NLRC4: variants seen among roughly 807,000 people sequenced by gnomAD.
NLRC4 encodes NLR family CARD domain containing 4, also known as NLR family CARD domain-containing protein 4.
NLRC4 carries 63 observed loss-of-function variants against 79.9 expected under a neutral mutation model. That is an observed-to-expected ratio of 0.79 (90% CI 0.64 to 0.97). The LOEUF is 0.97. Ranked by LOEUF, NLRC4 falls within the 50% of genes least tolerant of loss-of-function variation. NLRC4 has a pLI of 0.00. For missense variants in NLRC4, 1,074 were observed against 1,215.2 expected, an observed-to-expected ratio of 0.88 and a Z score of 1.73; for synonymous variants, 461 against 456.5, an observed-to-expected ratio of 1.01 and a Z score of -0.12.
chr2:32,264,074 C>T (rs1193114884), intron 1 of NLRC4, among the ~76,000 whole-genome samples: 1 of 152,116 alleles, frequency 6.6e-6, no homozygotes, highest in African/African-American at 2.4e-5. Flanking sequence ...ATTGGATGGA[C>T]TAAGTAGTCC....
rs1226847353 is a variant in NLRC4, at chr2:32,251,272, T to G, written c.592A>C (p.Lys198Gln). 6.2e-7 allele frequency: 1 copy of G among 1,614,200 alleles called. No homozygotes were observed. Among genetic ancestry groups the G allele is most frequent in the East Asian group, 2.2e-5 (1 of 44,876 alleles). Reference protein sequence around the residue: ...SGKCKALTKFKFVFFLRLSRA... With the variant: ...SGKCKALTKFQFVFFLRLSRA... ...CTGAGACGGAGGAAGAAGACGAATT[T>G]GAACTTGGTCAGAGCCTTGCACTTT... Residue 198 changes from lysine to glutamine, a missense_variant, in exon 4 of 9, where the codon AAA becomes CAA. Lys to Gln is a moderately conservative substitution (Grantham distance 53, BLOSUM62 1). Transcript: ENST00000402280.
chr2:32,227,712 T>G (rs539668088), intron 8 of NLRC4, among the ~76,000 whole-genome samples: 1 of 152,346 alleles, frequency 6.6e-6, no homozygotes, highest in South Asian at 2.1e-4. Flanking sequence ...CTTAGATAAT[T>G]ATTGGAATGT....
At chr2:32,261,355 A>G (rs1573507199) in intron 1 of NLRC4, among the ~76,000 whole-genome samples, 1 of 47,464 alleles carries the variant, frequency 2.1e-5, no homozygotes, top group East Asian at 4.2e-4. Flanking sequence ...CTCTGTAGCC[A>G]GGCTGGAGTG....
chr2:32,232,720 TAGAA>T (rs1686566193), intron 8 of NLRC4, among the ~76,000 whole-genome samples: 1 of 151,942 alleles, frequency 6.6e-6, no homozygotes, highest in African/African-American at 2.4e-5. Context: ...CAAGTCAAAA[TAGAA>T]AGGGCCTGAA....
chr2:32,255,044 T>C lies in NLRC4; in HGVS notation c.1+1731A>G, dbSNP rs1687173271. Among the ~76,000 whole-genome samples the C allele has an allele frequency of 2.0e-5, 3 of 151,776 alleles. No homozygotes were observed. The South Asian group carries it at 6.2e-4, about 31-fold the overall frequency. Reference sequence around the variant, plus strand: ...AAGCACCAGGACCCCACCCCAGCCGTCCTTTCTCACCATTGCAGAGCTCTG... The same window carrying C: ...AAGCACCAGGACCCCACCCCAGCCGCCCTTTCTCACCATTGCAGAGCTCTG... On this transcript the variant is annotated intron_variant, in intron 2 of 8. Coordinates refer to ENST00000402280, the MANE Select transcript of NLRC4 (RefSeq NM_001199138.2).
At chr2:32,224,815 A>C in intron 8 of NLRC4, 50 bp from the exon 9 acceptor site, 1 of 1,109,682 alleles carries the variant, frequency 9.0e-7, no homozygotes, top group Non-Finnish European at 1.3e-6. Flanking sequence ...TTTTTTAAAA[A>C]AAAAGAGAAA....
chr2:32,231,577 G>GGC (rs1289567567), intron 8 of NLRC4, among the ~76,000 whole-genome samples: 1 of 115,196 alleles, frequency 8.7e-6, no homozygotes, highest in African/African-American at 3.2e-5. Flanking sequence ...TTTTTTGTGG[G>GGC]GGGGGGGTGG....
At chr2:32,236,196 A>T in intron 7 of NLRC4, 51 bp downstream of exon 7, 1 of 1,156,504 alleles carries the variant, frequency 8.6e-7, no homozygotes. Flanking sequence ...TATTTCGACT[A>T]CCCAGTATAC....
chr2:32,240,996 A>AC lies in NLRC4; in HGVS notation c.2350+36dup, dbSNP rs556856048. The AC allele has an allele frequency of 3.3e-3, 4,224 of 1,287,242 alleles. 12 individuals carry two copies. Among genetic ancestry groups the AC allele is most frequent in the Non-Finnish European group, 4.3e-3 (3,790 of 886,480 alleles). The allele number at this position is 1,287,242 out of a possible 1,614,324, so 79.7% of individuals were successfully genotyped here. A position where few individuals can be genotyped will look rare whatever the true frequency, so the allele number is the denominator to read the frequency against. On this transcript the variant is annotated intron_variant, in intron 5 of 8. Coordinates refer to ENST00000402280, the MANE Select transcript of NLRC4 (RefSeq NM_001199138.2). ...TGAAGTTAACTCCTCTTATTATCAA[A>AC]CTTACATTGATACAAATATGAGAAC...
intron 8 of NLRC4, among the ~76,000 whole-genome samples, chr2:32,230,565 C>T (rs144616264): frequency 1.3e-5 from 2 of 150,974 alleles, no homozygotes; most frequent in Non-Finnish European, 2.9e-5. Flanking sequence ...TCCACCTTCT[C>T]GGTTCAAGAG....
In NLRC4 at chr2:32,235,418, G is replaced by C. The variant is rs755498806; in HGVS notation, c.2765C>G (p.Thr922Arg). Residue 922 changes from threonine (T) to arginine (R), a missense_variant, in exon 8 of 9, where the codon ACA becomes AGA. Physicochemically the swap from Thr to Arg is moderately conservative, Grantham distance 71. Coordinates refer to ENST00000402280, the MANE Select transcript of NLRC4 (RefSeq NM_001199138.2). ...LGLKNWRLTD[T>R]EIRILGAFFG... Reference sequence around the variant, plus strand: ...GTACCTACCTAAAATTCTAATCTCTGTATCTGTGAGTCTCCAGTTTTTCAA... The same window carrying C: ...GTACCTACCTAAAATTCTAATCTCTCTATCTGTGAGTCTCCAGTTTTTCAA... 1.9e-6 allele frequency: 3 copies of C among 1,613,832 alleles called. No homozygotes were observed. The African/African-American group carries it at 4.0e-5, about 22-fold the overall frequency.
rs370159371 is a variant in NLRC4 at position 32,224,731 on chromosome 2, G to C, written c.2817C>G (p.Phe939Leu). The stretch of plus-strand genomic sequence containing the variant: ...GATTTCCCGCCAAATTCAACTGCTG[G>C]AAGTTTTTCAGAGGGTTCTTTCCAA... ...AFFGKNPLKNFQQLNLAGNRV... is the reference protein window; with the variant it reads ...AFFGKNPLKNLQQLNLAGNRV... The change falls in exon 9 of 9, where the codon TTC (phenylalanine) becomes TTG (leucine). Residue 939 changes from phenylalanine to leucine, a missense_variant. Transcript: ENST00000402280. 1.9e-6 allele frequency: 3 copies of C among 1,594,180 alleles called. No homozygotes were observed. The African/African-American group carries it at 4.0e-5, about 21-fold the overall frequency.
rs763335197 is a variant in NLRC4, at chr2:32,251,253, C to G, written c.611G>C (p.Arg204Pro). 1.2e-6 allele frequency: 2 copies of G among 1,614,142 alleles called. No homozygotes were observed. Among genetic ancestry groups the G allele is most frequent in the Admixed American group, 3.3e-5 (2 of 60,008 alleles). The change falls in exon 4 of 9, where the codon CGT (arginine) becomes CCT (proline). Residue 204 changes from arginine (R) to proline (P), a missense_variant. Physicochemically the swap from Arg to Pro is moderately radical, Grantham distance 103. Coordinates refer to ENST00000402280, the MANE Select transcript of NLRC4 (RefSeq NM_001199138.2). ...AAGTCCACCCTGGGCCCTGCTGAGA[C>G]GGAGGAAGAAGACGAATTTGAACTT... ...LTKFKFVFFLRLSRAQGGLFE... is the reference protein window; with the variant it reads ...LTKFKFVFFLPLSRAQGGLFE...
At chr2:32,265,150 A>G (rs1271253727), upstream of NLRC4, among the ~76,000 whole-genome samples, 1 of 152,004 alleles carries the variant, frequency 6.6e-6, no homozygotes, top group African/African-American at 2.4e-5. Flanking sequence ...AAGTCTTCTG[A>G]ACATCCAACA....
At chr2:32,258,782 T>C (rs781109148) in intron 1 of NLRC4, among the ~76,000 whole-genome samples, 1 of 152,136 alleles carries the variant, frequency 6.6e-6, no homozygotes, top group Non-Finnish European at 1.5e-5. Flanking sequence ...CCTTTCTCCC[T>C]TCCTCCTCCA....
intron 8 of NLRC4, among the ~76,000 whole-genome samples, chr2:32,233,688 C>T (rs1050444981): frequency 1.3e-5 from 2 of 152,014 alleles, no homozygotes; most frequent in Non-Finnish European, 2.9e-5. Flanking sequence ...TTTTTTAAGA[C>T]TTATTTTGTG....
chr2:32,261,081 T>G (rs1458693712), intron 1 of NLRC4, among the ~76,000 whole-genome samples: 1 of 150,772 alleles, frequency 6.6e-6, no homozygotes, highest in Non-Finnish European at 1.5e-5. Context: ...TAGTCCCAGC[T>G]AATCGGGAGG....
At chr2:32,237,225 C>T (rs1422772567) in intron 6 of NLRC4, among the ~76,000 whole-genome samples, 1 of 152,142 alleles carries the variant, frequency 6.6e-6, no homozygotes, top group African/African-American at 2.4e-5. Flanking sequence ...ACAAGTTTTT[C>T]ATGAATATGT....
At chr2:32,231,312 G>A (rs212711) in intron 8 of NLRC4, among the ~76,000 whole-genome samples, 165 of 151,670 alleles carry the variant, frequency 1.1e-3, no homozygotes, top group Non-Finnish European at 2.0e-3. Flanking sequence ...GTGCCACCAC[G>A]CCCGGCTAAT....
Sources: allele counts gnomAD v4.1 joint callset (sites outside exome capture counted in the v4.1 genomes callset), GRCh38; gene constraint gnomAD v4.1.1; transcripts MANE v1.5; gene names NCBI Gene and HGNC (gene_info 2026-07-23, HGNC 2026-07-21).